The following GSAP variants were observed in gnomAD, a reference collection of about 807,000 sequenced individuals.
GSAP encodes the protein gamma-secretase-activating protein.
In GSAP, 118 loss-of-function variants were observed where a neutral mutation model predicts 131.7. The ratio of observed to expected loss-of-function variants is 0.90; its 90% confidence interval spans 0.77 to 1.04. The LOEUF is 1.04. GSAP is among the 50% of genes least tolerant of loss of function. The pLI, the probability that GSAP is intolerant of heterozygous loss-of-function variation, is 0.00. For missense variants in GSAP, 1,019 were observed against 1,013.2 expected (o/e 1.01, Z -0.08); for synonymous variants, 381 against 363.4 (o/e 1.05, Z -0.55).
intron 19 of GSAP, among the ~76,000 whole-genome samples, chr7:77,336,615 A>T (rs1321812681): frequency 6.6e-6 from 1 of 152,022 alleles, no homozygotes; most frequent in Non-Finnish European, 1.5e-5. Flanking sequence ...CAGCCTCCCA[A>T]GTAGCTGGGA....
intron 22 of GSAP, chr7:77,326,965 G>T (rs757483290): frequency 2.0e-5 from 3 of 152,206 alleles, no homozygotes; most frequent in Admixed American, 1.3e-4. Context: ...TGCCAGGCAA[G>T]AGGGCAGAAC....
intron 24 of GSAP, among the ~76,000 whole-genome samples, chr7:77,322,288 G>T (rs1787759886): frequency 6.6e-6 from 1 of 152,180 alleles, no homozygotes; most frequent in South Asian, 2.1e-4. Context: ...TCCTTAGAGG[G>T]GAGCAGAAGG....
intron 15 of GSAP, 33 bp downstream of exon 15, chr7:77,355,522 G>A (rs1397288433): frequency 1.3e-6 from 2 of 1,534,830 alleles, no homozygotes; most frequent in Non-Finnish European, 1.8e-6. Context: ...ACTCAAATGG[G>A]CCACCTCTAC....
intron 6 of GSAP, among the ~76,000 whole-genome samples, chr7:77,385,772 G>C (rs567094543): frequency 3.9e-5 from 6 of 152,284 alleles, no homozygotes; most frequent in East Asian, 1.9e-4. Flanking sequence ...TGGGAAGAGA[G>C]AGACAACCCT....
At chr7:77,355,694 A>G (rs767854486) in intron 14 of GSAP, 47 bp from the exon 15 acceptor site, 3 of 1,047,312 alleles carry the variant, frequency 2.9e-6, no homozygotes, top group East Asian at 2.4e-5. Context: ...TAAAAGCTGC[A>G]CAGGTACAGA....
At chr7:77,324,072 T>C (rs1478231768) in intron 23 of GSAP, among the ~76,000 whole-genome samples, 1 of 152,184 alleles carries the variant, frequency 6.6e-6, no homozygotes, top group African/African-American at 2.4e-5. Context: ...ACCAAAGGAT[T>C]AAAGTCTACT....
intron 12 of GSAP, among the ~76,000 whole-genome samples, chr7:77,368,032 G>A (rs1275602211): frequency 2.0e-5 from 3 of 152,134 alleles, no homozygotes; most frequent in Non-Finnish European, 4.4e-5. Context: ...TTATTTCTGT[G>A]AGGTCAGTGG....
At chr7:77,369,106 G>A (rs1305618718) in intron 12 of GSAP, among the ~76,000 whole-genome samples, 1 of 152,184 alleles carries the variant, frequency 6.6e-6, no homozygotes, top group African/African-American at 2.4e-5. Flanking sequence ...GGGAACTTGT[G>A]AAGAGCAACT....
At chr7:77,363,236 G>A (rs921005378) in intron 12 of GSAP, among the ~76,000 whole-genome samples, 1 of 152,196 alleles carries the variant, frequency 6.6e-6, no homozygotes, top group East Asian at 1.9e-4. Context: ...GGCCTTTCCA[G>A]GTGAGTCTTG....
rs373088108 is a variant in GSAP at position 77,323,750 on chromosome 7, C to T, written c.1828-8G>A. On this transcript the variant is annotated splice_polypyrimidine_tract_variant and splice_region_variant and intron_variant, in intron 23 of 30. Coordinates refer to ENST00000257626, the MANE Select transcript of GSAP (RefSeq NM_017439.4). Reference sequence around the variant, plus strand: ...TTTTAGCTCAGACACCATCTGAAAACAGGATATGCATTAAATAAGTCACAG... The same window carrying T: ...TTTTAGCTCAGACACCATCTGAAAATAGGATATGCATTAAATAAGTCACAG... 2.5e-5 allele frequency: 36 copies of T among 1,417,160 alleles called. No homozygotes were observed. In the African/African-American group the frequency reaches 4.7e-4, roughly 18 times the overall value. 87.8% of individuals were successfully genotyped at this position (1,417,160 alleles called of 1,614,324 possible).
intron 14 of GSAP, among the ~76,000 whole-genome samples, chr7:77,358,136 T>C (rs1315474199): frequency 6.6e-6 from 1 of 152,164 alleles, no homozygotes; most frequent in East Asian, 1.9e-4. Flanking sequence ...AGGTCAGGAG[T>C]TCGAGACCAG....
At position 77,320,837 on chromosome 7, in the gene GSAP, A is replaced by G. The variant is rs765484809; in HGVS notation, c.1995-18T>C. The G allele has an allele frequency of 7.2e-6, 11 of 1,520,320 alleles. No homozygotes were observed. In the Admixed American group the frequency reaches 1.5e-4, roughly 21 times the overall value. 94.2% of individuals were successfully genotyped at this position (1,520,320 alleles called of 1,614,324 possible). A position where few individuals can be genotyped will look rare whatever the true frequency, so the allele number is the denominator to read the frequency against. ...GACTATTGCTGGGTAAAAAAAACAA[A>G]GCAGCATGTCAGCCAAGGAGCTCAT... On this transcript the variant is annotated intron_variant, in intron 25 of 30. Transcript: ENST00000257626.
intron 16 of GSAP, 66 bp from the exon 17 acceptor site, chr7:77,353,707 G>T: frequency 1.1e-6 from 1 of 913,512 alleles, no homozygotes. Context: ...TACCAAAGAA[G>T]TACAAATATA....
intron 6 of GSAP, among the ~76,000 whole-genome samples, chr7:77,383,492 G>C (rs555134074): frequency 6.6e-6 from 1 of 152,242 alleles, no homozygotes; most frequent in East Asian, 1.9e-4. Context: ...AGTGAGTCAT[G>C]GTGCCACATG....
intron 22 of GSAP, 152 bp from the exon 23 acceptor site, chr7:77,326,425 C>CT (rs1353792702): frequency 3.5e-6 from 2 of 569,706 alleles, no homozygotes; most frequent in Non-Finnish European, 6.2e-6. Flanking sequence ...TGACCTAGTC[C>CT]TACAAGGTGA....
chr7:77,374,976 G>A (rs1796638848), intron 11 of GSAP, 82 bp downstream of exon 11: 6 of 681,730 alleles, frequency 8.8e-6, no homozygotes, highest in South Asian at 5.4e-5. Context: ...CTTTTTATCT[G>A]CATAATATAA....
chr7:77,339,145 G>A (rs990624894), intron 19 of GSAP, among the ~76,000 whole-genome samples: 1 of 152,138 alleles, frequency 6.6e-6, no homozygotes. Flanking sequence ...CTGAGACTAG[G>A]GAGAGAGGAG....
Position 77,329,013 on chromosome 7 carries a change from T to TAA in GSAP, c.1733+318_1733+319dup, listed in dbSNP as rs577226894. ...CAAGCTCACTAGCCCACTGACACTT[T>TAA]AAAAAAAAAAAAAATCAACCTACTA... On this transcript the variant is annotated intron_variant, in intron 21 of 30. Coordinates refer to ENST00000257626, the MANE Select transcript of GSAP (RefSeq NM_017439.4). Among the ~76,000 whole-genome samples, 24 of 147,510 alleles carry TAA rather than the reference T, an allele frequency of 1.6e-4. 2 individuals carry two copies. The South Asian group carries it at 4.9e-3, about 30-fold the overall frequency.
At chr7:77,339,325 G>C (rs770843281) in intron 19 of GSAP, among the ~76,000 whole-genome samples, 2 of 152,146 alleles carry the variant, frequency 1.3e-5, no homozygotes, top group Non-Finnish European at 2.9e-5. Flanking sequence ...CAAGTGTCCT[G>C]GGAATGAGAA....
Sources: allele counts gnomAD v4.1 joint callset (sites outside exome capture counted in the v4.1 genomes callset), GRCh38; gene constraint gnomAD v4.1.1; transcripts MANE v1.5; gene names NCBI Gene and HGNC (gene_info 2026-07-23, HGNC 2026-07-21).